VPS13D: variants seen among roughly 807,000 people sequenced by gnomAD.
VPS13D encodes intermembrane lipid transfer protein VPS13D.
In VPS13D, 187 loss-of-function variants were observed where a neutral mutation model predicts 461.9. That is an observed-to-expected ratio of 0.40 (90% confidence interval 0.36 to 0.46). The LOEUF (loss-of-function observed/expected upper bound fraction) is 0.46. Ranked by LOEUF, VPS13D falls within the 20% of genes least tolerant of loss-of-function variation. VPS13D has a pLI of 0.60. For synonymous variants in VPS13D, 1,951 were observed against 1,986.3 expected (o/e 0.98, Z 0.47); for missense variants, 4,711 against 5,364.9 (o/e 0.88, Z 3.81).
intron 68 of VPS13D, 58 bp from the exon 69 acceptor site, chr1:12,506,795 C>T: frequency 6.3e-7 from 1 of 1,582,396 alleles, no homozygotes; most frequent in Non-Finnish European, 8.6e-7. Context: ...AGTGGGCCTC[C>T]CCCTGATGCT....
chr1:12,371,390 C>G (rs994030225), intron 54 of VPS13D, among the ~76,000 whole-genome samples: 1 of 135,222 alleles, frequency 7.4e-6, no homozygotes, highest in East Asian at 2.1e-4. Context: ...ATGCTTCATT[C>G]TTTTTTTTTT....
intron 60 of VPS13D, among the ~76,000 whole-genome samples, chr1:12,393,368 C>A (rs1268137748): frequency 3.9e-5 from 6 of 152,228 alleles, no homozygotes. Flanking sequence ...CTAGCTTTGC[C>A]AGCTGAAGGC....
At chr1:12,498,098 C>A (rs958773373) in intron 68 of VPS13D, among the ~76,000 whole-genome samples, 2 of 152,120 alleles carry the variant, frequency 1.3e-5, no homozygotes, top group East Asian at 3.9e-4. Context: ...AAATATGGAG[C>A]CTTATATACC....
In VPS13D at chr1:12,283,398, C is replaced by T. The variant is rs758983143; in HGVS notation, c.5296C>T (p.Pro1766Ser). 1.9e-6 allele frequency: 3 copies of T among 1,614,178 alleles called. No homozygotes were observed. The highest frequency in any genetic ancestry group is 2.2e-5 in the East Asian group (1 of 44,880). Residue 1766 changes from proline (P) to serine (S), a missense_variant, in exon 21 of 70, where the codon CCA (proline) becomes TCA (serine). Pro to Ser is a moderately conservative substitution (Grantham distance 74). Transcript: ENST00000620676. ...KDYPLTPPPS[P>S]TVDEPKILVG... ...CTATCCCTTGACCCCACCTCCTTCT[C>T]CAACAGTGGATGAGCCCAAGATACT...
intron 65 of VPS13D, among the ~76,000 whole-genome samples, chr1:12,440,129 G>C (rs570163000): frequency 6.6e-6 from 1 of 152,324 alleles, no homozygotes; most frequent in Non-Finnish European, 1.5e-5. Flanking sequence ...AACAAGTGAT[G>C]CCTGGGCTCC....
rs1377292433 is a variant in VPS13D, at chr1:12,314,226, G to A, written c.7047G>A (p.Gln2349=). 8.1e-6 allele frequency: 13 copies of A among 1,614,166 alleles called. No individual in the cohort carries two copies. Among genetic ancestry groups the A allele is most frequent in the Non-Finnish European group, 1.0e-5 (12 of 1,180,026 alleles). The part of the protein sequence containing the change: ...MMAFDTRYAG[Q]KTSPGMTNVF... Reference sequence around the variant, plus strand: ...CTTTTGACACCCGTTATGCTGGGCAGAAGACCAGCCCTGGCATGACGAATG... The same window carrying A: ...CTTTTGACACCCGTTATGCTGGGCAAAAGACCAGCCCTGGCATGACGAATG... The change falls in exon 30 of 70, where the codon CAG becomes CAA. Residue 2349 remains glutamine, a synonymous_variant. Coordinates refer to ENST00000620676, the MANE Select transcript of VPS13D (RefSeq NM_015378.4).
Position 12,271,173 on chromosome 1 carries a change from A to T in VPS13D, c.2103+49A>T, listed in dbSNP as rs1323782781. The T allele has an allele frequency of 5.0e-6, 8 of 1,610,624 alleles. No individual in the cohort carries two copies. In the South Asian group the frequency reaches 6.6e-5, roughly 13 times the overall value. On this transcript the variant is annotated intron_variant, in intron 17 of 69. Transcript: ENST00000620676. ...CTTTGGGGATTGGGGAAGGGGCAGG[A>T]ATTCTTTCCGTCAAGTCACTACTTA... is the stretch of plus-strand genomic sequence containing the variant.
At chr1:12,487,438 G>A (rs371601698) in intron 67 of VPS13D, among the ~76,000 whole-genome samples, 4 of 151,930 alleles carry the variant, frequency 2.6e-5, no homozygotes, top group East Asian at 3.9e-4. Context: ...GTGAAACCCC[G>A]TCTCTACTAA....
In VPS13D at chr1:12,385,389, T is replaced by G. The variant is rs1206542832; in HGVS notation, c.11484+16T>G. ...GGAATTGGAAGTAAGGTCTAAATAT[T>G]GTGAATTTATTTATTTGATCATCAG... On this transcript the variant is annotated intron_variant, in intron 59 of 69. Coordinates refer to ENST00000620676, the MANE Select transcript of VPS13D (RefSeq NM_015378.4). 1.9e-6 allele frequency: 3 copies of G among 1,577,166 alleles called. No homozygotes were observed. Among genetic ancestry groups the G allele is most frequent in the South Asian group, 1.2e-5 (1 of 85,506 alleles).
chr1:12,377,381 G>A (rs1420924067), intron 55 of VPS13D, among the ~76,000 whole-genome samples: 1 of 151,932 alleles, frequency 6.6e-6, no homozygotes, highest in East Asian at 1.9e-4. Flanking sequence ...TTTTATGTAA[G>A]TCTTATGGAC....
At chr1:12,236,453 T>A (rs1367878803) in intron 2 of VPS13D, among the ~76,000 whole-genome samples, 1 of 152,132 alleles carries the variant, frequency 6.6e-6, no homozygotes, top group African/African-American at 2.4e-5. Flanking sequence ...TGATTTCACC[T>A]CAATGCCACC....
At chr1:12,483,248 C>T (rs1464082856) in intron 67 of VPS13D, among the ~76,000 whole-genome samples, 4 of 152,228 alleles carry the variant, frequency 2.6e-5, no homozygotes, top group Non-Finnish European at 4.4e-5. Context: ...GAAGTAGCTG[C>T]AGTGTGCCAG....
At position 12,310,720 on chromosome 1, in the gene VPS13D, A is replaced by G. The variant is rs146233766; in HGVS notation, c.6651-734A>G. ...CTCATGAGGTTTTCCTTATTAATAG[A>G]TTAGTTACCTCATACTAGGTTTAAG... is the stretch of plus-strand genomic sequence containing the variant. On this transcript the variant is annotated intron_variant, in intron 27 of 69. Transcript: ENST00000620676. Among the ~76,000 whole-genome samples the G allele has an allele frequency of 8.1e-3, 1,240 of 152,200 alleles. 6 individuals carry two copies. The highest frequency in any genetic ancestry group is 0.015 in the Non-Finnish European group (1,001 of 68,000).
At chr1:12,411,481 G>A (rs1392314973) in intron 63 of VPS13D, among the ~76,000 whole-genome samples, 14 of 140,944 alleles carry the variant, frequency 9.9e-5, no homozygotes, top group Non-Finnish European at 2.2e-4. Context: ...AAAATGGAAG[G>A]AAGGAAGGAA....
intron 23 of VPS13D, 42 bp downstream of exon 23, chr1:12,291,166 A>G (rs1371367730): frequency 1.3e-6 from 2 of 1,589,676 alleles, no homozygotes; most frequent in Non-Finnish European, 1.7e-6. Context: ...TTTTATCATA[A>G]TACTTGCTGT....
intron 60 of VPS13D, among the ~76,000 whole-genome samples, chr1:12,392,560 A>G (rs1644442026): frequency 6.6e-6 from 1 of 151,770 alleles, no homozygotes; most frequent in Non-Finnish European, 1.5e-5. Flanking sequence ...AAAAAAAAAA[A>G]AAAAGAAAGC....
chr1:12,272,679 CTA>C (rs1641483556), intron 17 of VPS13D, among the ~76,000 whole-genome samples: 1 of 152,030 alleles, frequency 6.6e-6, no homozygotes, highest in Non-Finnish European at 1.5e-5. Flanking sequence ...GTTTAGAATT[CTA>C]TGTTTATTTG....
At chr1:12,345,096 A>G (rs1323710126) in intron 42 of VPS13D, 1 of 300,060 alleles carries the variant, frequency 3.3e-6, no homozygotes, top group Non-Finnish European at 6.3e-6. Flanking sequence ...TGGTGGGGGA[A>G]AGACCTTGGC....
At chr1:12,358,768 A>T (rs1643910592) in intron 50 of VPS13D, among the ~76,000 whole-genome samples, 167 bp downstream of exon 50, 1 of 152,182 alleles carries the variant, frequency 6.6e-6, no homozygotes, top group Non-Finnish European at 1.5e-5. Flanking sequence ...ATCAACACAG[A>T]TCTATTCTCC....
Sources: allele counts gnomAD v4.1 joint callset (sites outside exome capture counted in the v4.1 genomes callset), GRCh38; gene constraint gnomAD v4.1.1; transcripts MANE v1.5; gene names NCBI Gene and HGNC (gene_info 2026-07-23, HGNC 2026-07-21).